CNTNAP5: variants seen among roughly 807,000 people sequenced by gnomAD.
The protein encoded by CNTNAP5 is contactin-associated protein-like 5.
Under a neutral mutation model 150.2 loss-of-function variants are expected in CNTNAP5, and 72 were observed. The observed-to-expected ratio is 0.48, with a 90% CI of 0.40 to 0.58. The LOEUF (loss-of-function observed/expected upper bound fraction) is 0.58, where lower values mean the gene tolerates loss of function less well. CNTNAP5 is among the 20% of genes least tolerant of loss of function. CNTNAP5 has a pLI of 0.00. For missense variants in CNTNAP5, 1,636 were observed against 1,626.2 expected (o/e 1.01, Z -0.10); for synonymous variants, 672 against 619.8 (o/e 1.08, Z -1.25).
intron 1 of CNTNAP5, among the ~76,000 whole-genome samples, chr2:124,125,153 G>A (rs1683658215): frequency 6.6e-6 from 1 of 152,168 alleles, no homozygotes; most frequent in Non-Finnish European, 1.5e-5. Flanking sequence ...TCAGTGTGCT[G>A]TATTCAGGAG....
chr2:124,048,231 T>C (rs1681594321), intron 1 of CNTNAP5, among the ~76,000 whole-genome samples: 1 of 152,186 alleles, frequency 6.6e-6, no homozygotes, highest in African/African-American at 2.4e-5. Context: ...GGGAATGCTT[T>C]CCAGAATCAA....
At chr2:124,770,380 C>G (rs1234299708) in intron 16 of CNTNAP5, among the ~76,000 whole-genome samples, 2 of 151,912 alleles carry the variant, frequency 1.3e-5, no homozygotes, top group Non-Finnish European at 2.9e-5. Flanking sequence ...GGTCAGGGGG[C>G]AAGGCTAGTC....
intron 10 of CNTNAP5, 100 bp downstream of exon 10, chr2:124,527,556 G>A (rs1695003389): frequency 6.5e-6 from 6 of 921,084 alleles, no homozygotes; most frequent in South Asian, 2.0e-5. Context: ...ACCGACATTA[G>A]CCACATTAGA....
intron 11 of CNTNAP5, among the ~76,000 whole-genome samples, chr2:124,583,394 C>T (rs2104951170): frequency 6.6e-6 from 1 of 152,340 alleles, no homozygotes; most frequent in Admixed American, 6.5e-5. Flanking sequence ...AGCATCATTT[C>T]CCCTCACTGG....
chr2:124,552,881 A>G (rs1435977503), intron 10 of CNTNAP5, among the ~76,000 whole-genome samples: 2 of 152,124 alleles, frequency 1.3e-5, no homozygotes, highest in Non-Finnish European at 2.9e-5. Flanking sequence ...TATTCGTTTT[A>G]ATGTCTCATG....
intron 13 of CNTNAP5, among the ~76,000 whole-genome samples, chr2:124,725,252 C>A (rs1680131811): frequency 6.6e-6 from 1 of 151,792 alleles, no homozygotes; most frequent in Admixed American, 6.6e-5. Flanking sequence ...CTAGGACAGT[C>A]TTCATTTATA....
At chr2:124,392,729 G>GAA (rs142485864) in intron 3 of CNTNAP5, among the ~76,000 whole-genome samples, 16 of 132,768 alleles carry the variant, frequency 1.2e-4, no homozygotes, top group African/African-American at 3.9e-4. Flanking sequence ...AGGAGGGGAG[G>GAA]AAAAAAAAAA....
intron 3 of CNTNAP5, among the ~76,000 whole-genome samples, chr2:124,258,498 A>G (rs1471558894): frequency 1.3e-5 from 2 of 152,180 alleles, no homozygotes; most frequent in African/African-American, 2.4e-5. Context: ...CAGTACCCCA[A>G]TGGGTGTCTC....
rs747536231 is a variant in CNTNAP5, at chr2:124,869,655, T to A, written c.3349-20T>A. ...CTGCAGACCTCTGCTGATGTGCCTT[T>A]GTTTTCTGTTTTCCTGCAGATGGAC... On this transcript the variant is annotated intron_variant, in intron 20 of 23. Coordinates refer to ENST00000682447, the MANE Select transcript of CNTNAP5 (RefSeq NM_001367498.1). 3 of 1,568,612 alleles carry A rather than the reference T, an allele frequency of 1.9e-6. No individual in the cohort carries two copies. Among genetic ancestry groups the A allele is most frequent in the East Asian group, 2.2e-5 (1 of 44,476 alleles).
At chr2:124,886,452 A>G (rs1158124399) in intron 21 of CNTNAP5, among the ~76,000 whole-genome samples, 2 of 152,020 alleles carry the variant, frequency 1.3e-5, no homozygotes, top group Non-Finnish European at 2.9e-5. Flanking sequence ...AGTTTATTCT[A>G]GTTTTGAACA....
rs967697201 is a variant in CNTNAP5, at chr2:124,594,009, T to G, written c.1757-15792T>G. On this transcript the variant is annotated intron_variant, in intron 11 of 23. Coordinates refer to ENST00000682447, the MANE Select transcript of CNTNAP5 (RefSeq NM_001367498.1). ...TTTGTTTTTTTCTTGTAAATTTGTTTGAGTTCATTGTAGATTCTGGATATT... is the reference window on the plus strand; with the variant it reads ...TTTGTTTTTTTCTTGTAAATTTGTTGGAGTTCATTGTAGATTCTGGATATT... 2.2e-4 allele frequency among the ~76,000 whole-genome samples: 22 copies of G among 100,036 alleles called. 2 individuals are homozygous for G. Among genetic ancestry groups the G allele is most frequent in the African/African-American group, 6.8e-4 (19 of 27,906 alleles). 65.6% of individuals were successfully genotyped at this position (100,036 alleles called of 152,430 possible).
At chr2:124,602,942 TATA>T (rs1449040434) in intron 11 of CNTNAP5, among the ~76,000 whole-genome samples, 1 of 152,196 alleles carries the variant, frequency 6.6e-6, no homozygotes. Flanking sequence ...AAATACTTAA[TATA>T]ATCTGTTATA....
intron 12 of CNTNAP5, among the ~76,000 whole-genome samples, chr2:124,639,755 G>T (rs1163761661): frequency 6.6e-6 from 1 of 152,136 alleles, no homozygotes; most frequent in African/African-American, 2.4e-5. Context: ...TAGTTTCTAT[G>T]ACCATGATAC....
chr2:124,768,384 T>C (rs907130888), intron 16 of CNTNAP5, among the ~76,000 whole-genome samples: 37 of 151,986 alleles, frequency 2.4e-4, no homozygotes, highest in African/African-American at 8.2e-4. Context: ...AACTTTATGA[T>C]TTCAGAAGTA....
chr2:124,425,816 G>C (rs1410765270), intron 4 of CNTNAP5, among the ~76,000 whole-genome samples: 1 of 152,110 alleles, frequency 6.6e-6, no homozygotes, highest in South Asian at 2.1e-4. Context: ...TCACGTCTTT[G>C]TTATCTTTGT....
intron 11 of CNTNAP5, among the ~76,000 whole-genome samples, chr2:124,601,658 C>T (rs987707016): frequency 1.3e-5 from 2 of 151,648 alleles, no homozygotes; most frequent in African/African-American, 4.9e-5. Flanking sequence ...ATGAGTCAAG[C>T]ATCACGTGCT....
intron 1 of CNTNAP5, among the ~76,000 whole-genome samples, chr2:124,146,507 A>G (rs558335306): frequency 4.5e-4 from 69 of 152,086 alleles, no homozygotes; most frequent in Middle Eastern, 3.4e-3. Context: ...AAGGATGCTC[A>G]TCTCAGAATT....
chr2:124,031,834 T>C (rs1190260881), intron 1 of CNTNAP5, among the ~76,000 whole-genome samples: 1 of 152,182 alleles, frequency 6.6e-6, no homozygotes, highest in Non-Finnish European at 1.5e-5. Flanking sequence ...TATTAATAAA[T>C]TATTGAAAAG....
intron 1 of CNTNAP5, among the ~76,000 whole-genome samples, chr2:124,135,702 C>T (rs1178129919): frequency 6.6e-6 from 1 of 152,206 alleles, no homozygotes; most frequent in Non-Finnish European, 1.5e-5. Context: ...AGTGTCTACA[C>T]ATCCCTGTCA....
Sources: allele counts gnomAD v4.1 joint callset (sites outside exome capture counted in the v4.1 genomes callset), GRCh38; gene constraint gnomAD v4.1.1; transcripts MANE v1.5; gene names NCBI Gene and HGNC (gene_info 2026-07-23, HGNC 2026-07-21).